The following TPRG1 variants were observed in gnomAD, a reference collection of about 807,000 sequenced individuals.
TPRG1 encodes tumor protein p63-regulated gene 1 protein.
TPRG1 carries 29 observed loss-of-function variants against 29.3 expected under a neutral mutation model. That is an observed-to-expected ratio of 0.99 (90% CI 0.74 to 1.35). TPRG1 has a LOEUF of 1.35. Among genes scored for constraint, TPRG1 ranks in the 40% most tolerant of loss-of-function variants. The pLI is 0.00. For synonymous variants in TPRG1, 130 were observed against 116.8 expected, an observed-to-expected ratio of 1.11 and a Z score of -0.73; for missense variants, 327 against 335.0, an observed-to-expected ratio of 0.98 and a Z score of 0.19.
chr3:189,310,615 T>TAAACA lies in TPRG1; in HGVS notation c.633+85_633+89dup, dbSNP rs1487848827. 5 of 771,620 alleles carry TAAACA rather than the reference T, an allele frequency of 6.5e-6. 1 individual carries two copies. Among genetic ancestry groups the TAAACA allele is most frequent in the Middle Eastern group, 8.6e-4 (2 of 2,324 alleles). 47.8% of individuals were successfully genotyped at this position (771,620 alleles called of 1,614,324 possible). A position where few individuals can be genotyped will look rare whatever the true frequency, so the allele number is the denominator to read the frequency against. On this transcript the variant is annotated intron_variant, in intron 5 of 5. Transcript: ENST00000345063. ...ATGTGCTTCTAGGGACGTGTACTCC[T>TAAACA]AAACAAAACAAAATAAAATAAAATA...
intron 1 of TPRG1, among the ~76,000 whole-genome samples, chr3:189,201,388 A>G (rs963856213): frequency 2.0e-5 from 3 of 152,208 alleles, no homozygotes; most frequent in Admixed American, 6.5e-5. Flanking sequence ...AGGTATCAGG[A>G]GACAGACAGA....
At chr3:189,187,927 A>AT (rs1731166308) in intron 1 of TPRG1, among the ~76,000 whole-genome samples, 1 of 152,214 alleles carries the variant, frequency 6.6e-6, no homozygotes, top group East Asian at 1.9e-4. Flanking sequence ...TAATCTTGAT[A>AT]TATCACCCAC....
At chr3:189,015,973 C>A (rs1712911315) in intron 3 of TPRG1, among the ~76,000 whole-genome samples, 1 of 152,124 alleles carries the variant, frequency 6.6e-6, no homozygotes, top group African/African-American at 2.4e-5. Flanking sequence ...TAAGACACTG[C>A]CTAGTGGAGC....
intron 4 of TPRG1, among the ~76,000 whole-genome samples, chr3:189,039,647 G>A (rs1460017022): frequency 6.6e-6 from 1 of 152,158 alleles, no homozygotes; most frequent in Non-Finnish European, 1.5e-5. Flanking sequence ...GAACATGACA[G>A]TGAACATTTC....
upstream of TPRG1, among the ~76,000 whole-genome samples, chr3:189,097,023 A>G (rs1392392220): frequency 2.0e-5 from 3 of 152,194 alleles, no homozygotes; most frequent in South Asian, 2.1e-4. Context: ...AAAATTTACT[A>G]GTGCATCTTG....
intron 5 of TPRG1, among the ~76,000 whole-genome samples, chr3:189,163,647 T>C (rs1197603380): frequency 6.6e-6 from 1 of 152,178 alleles, no homozygotes; most frequent in Non-Finnish European, 1.5e-5. Flanking sequence ...GGACTGAAGT[T>C]AAAATTAAAG....
chr3:189,043,668 T>C (rs527707551), intron 4 of TPRG1, among the ~76,000 whole-genome samples: 6 of 152,150 alleles, frequency 3.9e-5, no homozygotes, highest in Non-Finnish European at 7.4e-5. Context: ...ACCACCTCAA[T>C]TTAGGCACTG....
chr3:189,130,505 G>T (rs1722987278), intron 2 of TPRG1, among the ~76,000 whole-genome samples: 1 of 152,178 alleles, frequency 6.6e-6, no homozygotes, highest in Non-Finnish European at 1.5e-5. Context: ...GGCCTGGCAT[G>T]GTCAAAACGT....
intron 4 of TPRG1, among the ~76,000 whole-genome samples, chr3:189,077,741 A>G (rs904238695): frequency 6.6e-6 from 1 of 152,330 alleles, no homozygotes; most frequent in Non-Finnish European, 1.5e-5. Context: ...TTAGGCACTC[A>G]GTATAGATTA....
chr3:189,079,940 C>T (rs576593692), intron 4 of TPRG1, among the ~76,000 whole-genome samples: 1 of 152,172 alleles, frequency 6.6e-6, no homozygotes, highest in Non-Finnish European at 1.5e-5. Flanking sequence ...ATAATAAATG[C>T]TTTGTACCTG....
intron 4 of TPRG1, among the ~76,000 whole-genome samples, chr3:189,061,047 A>G (rs1716071467): frequency 6.6e-6 from 1 of 152,338 alleles, no homozygotes; most frequent in East Asian, 1.9e-4. Flanking sequence ...TTCAAATTAT[A>G]CTATAGGGCT....
intron 3 of TPRG1, among the ~76,000 whole-genome samples, chr3:189,010,078 G>T (rs998367942): frequency 2.0e-5 from 3 of 152,030 alleles, no homozygotes; most frequent in African/African-American, 7.2e-5. Flanking sequence ...GTTTGCTAAG[G>T]ATAATGGCCT....
At chr3:189,069,453 G>C (rs1424000055) in intron 4 of TPRG1, among the ~76,000 whole-genome samples, 1 of 152,096 alleles carries the variant, frequency 6.6e-6, no homozygotes, top group Non-Finnish European at 1.5e-5. Context: ...TCAAAATCTT[G>C]GTTGTGATAT....
chr3:189,050,581 A>G (rs926352166), intron 4 of TPRG1, among the ~76,000 whole-genome samples: 4 of 152,208 alleles, frequency 2.6e-5, no homozygotes, highest in East Asian at 1.9e-4. Flanking sequence ...AATGCATTCT[A>G]TGAAGCCAGC....
At chr3:189,030,586 T>G (rs1032144737) in intron 4 of TPRG1, among the ~76,000 whole-genome samples, 3 of 152,178 alleles carry the variant, frequency 2.0e-5, no homozygotes, top group Non-Finnish European at 4.4e-5. Flanking sequence ...AAGGTGTTAC[T>G]CCAAGCTCCC....
chr3:189,074,671 A>G (rs796374002), intron 4 of TPRG1, among the ~76,000 whole-genome samples: 21 of 152,064 alleles, frequency 1.4e-4, no homozygotes, highest in African/African-American at 5.1e-4. Context: ...TTGATCAACT[A>G]TGCTTATTTA....
At chr3:189,297,472 C>A (rs1286459569) in intron 4 of TPRG1, among the ~76,000 whole-genome samples, 2 of 152,112 alleles carry the variant, frequency 1.3e-5, no homozygotes, top group African/African-American at 2.4e-5. Context: ...CAATCCAGAT[C>A]CCATACTGCT....
intron 1 of TPRG1, among the ~76,000 whole-genome samples, chr3:189,119,895 C>G (rs142367489): frequency 6.6e-6 from 1 of 152,130 alleles, no homozygotes; most frequent in Non-Finnish European, 1.5e-5. Flanking sequence ...GGGGTCTGTC[C>G]ACCGGAGCGC....
intron 3 of TPRG1, among the ~76,000 whole-genome samples, chr3:189,142,399 A>T (rs1194855400): frequency 6.6e-6 from 1 of 152,108 alleles, no homozygotes; most frequent in Non-Finnish European, 1.5e-5. Flanking sequence ...GCTTGTGAGT[A>T]AGGAGAGGGT....
Sources: allele counts gnomAD v4.1 joint callset (sites outside exome capture counted in the v4.1 genomes callset), GRCh38; gene constraint gnomAD v4.1.1; transcripts MANE v1.5; gene names NCBI Gene and HGNC (gene_info 2026-07-23, HGNC 2026-07-21).